The following FALEC variants were observed in gnomAD, a reference collection of about 807,000 sequenced individuals.
FALEC encodes focally amplified lncRNA on chromosome 1.
At chr1:150,531,239 A>C in the FALEC span, among the ~76,000 whole-genome samples, 3 of 152,360 alleles carry the variant, frequency 2.0e-5, no homozygotes, top group East Asian at 5.8e-4. Flanking sequence ...TCATGCCTGT[A>C]ATCCCAGCAC....
chr1:150,532,265 C>T, the FALEC span, among the ~76,000 whole-genome samples: 1 of 152,082 alleles, frequency 6.6e-6, no homozygotes, highest in Non-Finnish European at 1.5e-5. Flanking sequence ...GGAACGAAAG[C>T]GCAGGGAGCA....
chr1:150,523,977 A>G, the FALEC span, among the ~76,000 whole-genome samples: 4 of 152,138 alleles, frequency 2.6e-5, no homozygotes, highest in African/African-American at 9.7e-5. Flanking sequence ...GCCACCATTA[A>G]CAGGAAGAAA....
At chr1:150,523,390 A>G in the FALEC span, among the ~76,000 whole-genome samples, 1 of 151,714 alleles carries the variant, frequency 6.6e-6, no homozygotes, top group Non-Finnish European at 1.5e-5. Context: ...GCGGTGGCTC[A>G]TGCCTGTAAT....
chr1:150,527,670 C>T, the FALEC span, among the ~76,000 whole-genome samples: 14 of 152,028 alleles, frequency 9.2e-5, no homozygotes, highest in Non-Finnish European at 1.6e-4. Flanking sequence ...GCCAATATGG[C>T]GAAACCCCAC....
the FALEC span, among the ~76,000 whole-genome samples, chr1:150,529,016 CAA>C: frequency 0.024 from 1,405 of 59,266 alleles, 32 homozygotes; most frequent in Admixed American, 0.13. Flanking sequence ...AAATAAATAG[CAA>C]AAAAAAAAAA....
the FALEC span, among the ~76,000 whole-genome samples, chr1:150,531,443 C>G: frequency 1.3e-5 from 2 of 152,036 alleles, no homozygotes; most frequent in East Asian, 3.9e-4. Flanking sequence ...CCACTGCACT[C>G]CAGCCTGGGC....
the FALEC span, among the ~76,000 whole-genome samples, chr1:150,530,815 T>A: frequency 6.6e-6 from 1 of 152,186 alleles, no homozygotes; most frequent in Non-Finnish European, 1.5e-5. Context: ...CATCTATAGA[T>A]ATCCAGCTTT....
At chr1:150,533,702 G>A in the FALEC span, among the ~76,000 whole-genome samples, 2 of 152,092 alleles carry the variant, frequency 1.3e-5, no homozygotes, top group Middle Eastern at 3.2e-3. Context: ...TTCCCAAAGT[G>A]TTGGGATTAC....
chr1:150,531,972 T>G, the FALEC span, among the ~76,000 whole-genome samples: 5 of 152,228 alleles, frequency 3.3e-5, no homozygotes, highest in Non-Finnish European at 7.3e-5. Context: ...TGGCACGATC[T>G]TGGCTCACTG....
At chr1:150,530,159 A>G in the FALEC span, among the ~76,000 whole-genome samples, 2 of 152,180 alleles carry the variant, frequency 1.3e-5, no homozygotes, top group African/African-American at 2.4e-5. Flanking sequence ...GAAGCTACTT[A>G]GCTCCTCAGT....
At chr1:150,522,983 A>T (rs867655712), downstream of FALEC, among the ~76,000 whole-genome samples, 12,221 of 15,936 alleles carry the variant, frequency 0.77, 5,178 homozygotes, top group Middle Eastern at 0.92. Context: ...ATATATATAT[A>T]TTTTTTTTTT....
the FALEC span, among the ~76,000 whole-genome samples, chr1:150,527,562 A>G: frequency 6.6e-6 from 1 of 152,156 alleles, no homozygotes; most frequent in Admixed American, 6.6e-5. Context: ...CCTGGCCAAA[A>G]ACTTAAAAGC....
At chr1:150,527,918 C>T in the FALEC span, among the ~76,000 whole-genome samples, 2 of 152,158 alleles carry the variant, frequency 1.3e-5, no homozygotes, top group Non-Finnish European at 2.9e-5. Flanking sequence ...CTTGAATTAT[C>T]TAGTCATATA....
the FALEC span, among the ~76,000 whole-genome samples, chr1:150,531,513 G>A: frequency 0.014 from 2,106 of 151,852 alleles, 53 homozygotes; most frequent in African/African-American, 0.048. Context: ...CACAGCCTGC[G>A]GTCACTTGCT....
downstream of FALEC, among the ~76,000 whole-genome samples, chr1:150,522,244 CAAAAAA>C (rs60709164): frequency 1.7e-5 from 2 of 119,050 alleles, no homozygotes; most frequent in Non-Finnish European, 3.5e-5. Context: ...GAGACTGTCT[CAAAAAA>C]AAAAAAAAAA....
the FALEC span, among the ~76,000 whole-genome samples, chr1:150,526,495 G>A: frequency 1.3e-5 from 2 of 151,626 alleles, no homozygotes; most frequent in African/African-American, 2.4e-5. Flanking sequence ...TACTGCACAC[G>A]GCGAGTATGT....
chr1:150,535,909 G>C, the FALEC span, among the ~76,000 whole-genome samples: 3 of 152,238 alleles, frequency 2.0e-5, no homozygotes, highest in Admixed American at 2.0e-4. Flanking sequence ...AAGGGGCTGA[G>C]AAGCAGCCAC....
chr1:150,520,603 G>C (rs1039513384), downstream of FALEC, among the ~76,000 whole-genome samples: 3 of 151,842 alleles, frequency 2.0e-5, no homozygotes, highest in Non-Finnish European at 2.9e-5. Context: ...CATTTGGGTC[G>C]TTTTCATCTT....
chr1:150,515,785 G>C (rs916195574), exon 1 of FALEC: 1 of 152,412 alleles, frequency 6.6e-6, no homozygotes, highest in Non-Finnish European at 1.5e-5. Flanking sequence ...CCAGGACAGA[G>C]GAACCGGGGG....
Sources: allele counts gnomAD v4.1 joint callset (sites outside exome capture counted in the v4.1 genomes callset), GRCh38; gene constraint gnomAD v4.1.1; transcripts MANE v1.5; gene names NCBI Gene and HGNC (gene_info 2026-07-23, HGNC 2026-07-21).